GRID2IP: variants seen among roughly 807,000 people sequenced by gnomAD.
GRID2IP encodes delphilin.
GRID2IP carries 78 observed loss-of-function variants against 114.3 expected under a neutral mutation model. That is an observed-to-expected ratio of 0.68 (90% confidence interval 0.57 to 0.82). GRID2IP has a LOEUF of 0.82. GRID2IP is among the 40% of genes least tolerant of loss of function. The probability of loss-of-function intolerance (pLI) is 0.00; values close to 1 mark genes in which losing one functional copy is unlikely to be tolerated. For missense variants in GRID2IP, 1,727 were observed against 1,678.5 expected (o/e 1.03, Z -0.51); for synonymous variants, 809 against 724.0 (o/e 1.12, Z -1.89).
rs551603138 is a variant in GRID2IP at position 6,510,970 on chromosome 7, C to T, written c.1493G>A (p.Arg498Gln). 7.8e-5 allele frequency: 120 copies of T among 1,545,490 alleles called. No homozygotes were observed. In the East Asian group the frequency reaches 1.6e-3, roughly 20 times the overall value. The stretch of plus-strand genomic sequence containing the variant: ...GCTGCGGCGGCACATGGAGGAAGCC[C>T]GCAGGGAGCTCCGCGGCTGGGGCTC... ...TPEPQPRSSL[R>Q]ASSMCRRSLR... Residue 498 changes from arginine to glutamine, a missense_variant, in exon 9 of 22, where the codon CGG (arginine) becomes CAG (glutamine). Coordinates refer to ENST00000457091, the MANE Select transcript of GRID2IP (RefSeq NM_001145118.2).
Position 6,506,262 on chromosome 7 carries a change from T to C in GRID2IP, c.2545-355A>G, listed in dbSNP as rs1267780973. Among the ~76,000 whole-genome samples the C allele has an allele frequency of 2.6e-5, 4 of 152,148 alleles. No homozygotes were observed. The highest frequency in any genetic ancestry group is 5.9e-5 in the Non-Finnish European group (4 of 68,010). On this transcript the variant is annotated intron_variant, in intron 13 of 21. Coordinates refer to ENST00000457091, the MANE Select transcript of GRID2IP (RefSeq NM_001145118.2). This position sits in a 1 kb window ranked among gnomAD's most constrained non-coding sequence, Gnocchi z 5.2. ...GGTCTGGCTCTGTCATCAGGTCTCC[T>C]TGGAGAGCGGTGAGTTCACCAGGGC...
At chr7:6,502,461 T>A (rs1472151748) in intron 18 of GRID2IP, among the ~76,000 whole-genome samples, 2 of 152,060 alleles carry the variant, frequency 1.3e-5, no homozygotes, top group Non-Finnish European at 2.9e-5. Flanking sequence ...AGTGATCCTC[T>A]CACCTTGGCC....
At chr7:6,539,631 G>A in intron 2 of GRID2IP, 87 bp downstream of exon 2, 1 of 1,285,578 alleles carries the variant, frequency 7.8e-7, no homozygotes, top group Non-Finnish European at 1.0e-6. Context: ...ACCTGGGCTG[G>A]AAGGGGTGCC....
intron 1 of GRID2IP, among the ~76,000 whole-genome samples, chr7:6,543,878 C>T (rs1040282176): frequency 2.0e-5 from 3 of 152,122 alleles, no homozygotes; most frequent in African/African-American, 7.2e-5. Context: ...CTCACTGCAA[C>T]CTCCACCTCC....
rs928381649 is a variant in GRID2IP at position 6,521,749 on chromosome 7, A to T, written c.989+139T>A. 3 of 710,576 alleles carry T rather than the reference A, an allele frequency of 4.2e-6. No individual in the cohort carries two copies. Among genetic ancestry groups the T allele is most frequent in the Non-Finnish European group, 7.2e-6 (3 of 418,690 alleles). The allele number at this position is 710,576 out of a possible 1,614,324, so 44.0% of individuals were successfully genotyped here. ...AGGAGGGTTAGATTCAAGAGTTCCC[A>T]TTGGAAGAGGGACAGACCCTGGGGA... On this transcript the variant is annotated intron_variant, in intron 5 of 21. Coordinates refer to ENST00000457091, the MANE Select transcript of GRID2IP (RefSeq NM_001145118.2). The surrounding 1 kb of genome is among the most constrained non-coding windows in gnomAD (Gnocchi z 4.1).
Position 6,526,195 on chromosome 7 carries a change from A to T in GRID2IP, c.919+29T>A. On this transcript the variant is annotated intron_variant, in intron 4 of 21. Coordinates refer to ENST00000457091, the MANE Select transcript of GRID2IP (RefSeq NM_001145118.2). This position sits in a 1 kb window ranked among gnomAD's most constrained non-coding sequence, Gnocchi z 7.6. ...CTTCACCCCATCCTGGGCCTTAGGG[A>T]CTCTTAGGGCAACCGGCCCACCCCT... The T allele has an allele frequency of 6.5e-7, 1 of 1,533,860 alleles. No homozygotes were observed. Among genetic ancestry groups the T allele is most frequent in the Non-Finnish European group, 8.8e-7 (1 of 1,131,368 alleles).
In GRID2IP at chr7:6,526,567, C is replaced by A; in HGVS notation, c.787G>T (p.Ala263Ser). The change falls in exon 3 of 22, where the codon GCC (alanine) becomes TCC (serine). Residue 263 changes from alanine to serine, a missense_variant. Physicochemically the swap from Ala to Ser is moderately conservative, Grantham distance 99. Coordinates refer to ENST00000457091, the MANE Select transcript of GRID2IP (RefSeq NM_001145118.2). The surrounding 1 kb of genome is among the most constrained non-coding windows in gnomAD (Gnocchi z 7.6). ...GCGAGGCCGCCCACCAGCAAGGAGGCCCTGCGCGGGGGCGGCTCATCGGGG... is the reference window on the plus strand; with the variant it reads ...GCGAGGCCGCCCACCAGCAAGGAGGACCTGCGCGGGGGCGGCTCATCGGGG... ...RRPDEPPPRRASLLVGGLAGP... is the reference protein window; with the variant it reads ...RRPDEPPPRRSSLLVGGLAGP... The A allele has an allele frequency of 8.3e-6, 10 of 1,208,354 alleles. No homozygotes were observed. The highest frequency in any genetic ancestry group is 1.0e-5 in the Non-Finnish European group (10 of 973,662). The allele number at this position is 1,208,354 out of a possible 1,614,324, so 74.9% of individuals were successfully genotyped here. A position where few individuals can be genotyped will look rare whatever the true frequency, so the allele number is the denominator to read the frequency against.
chr7:6,533,543 G>A (rs1329072017), intron 2 of GRID2IP, among the ~76,000 whole-genome samples: 1 of 151,472 alleles, frequency 6.6e-6, no homozygotes, highest in African/African-American at 2.4e-5. Context: ...ATTTTTTTGT[G>A]TGTAAACATG....
Position 6,516,426 on chromosome 7 carries a change from G to A in GRID2IP, c.1269-1897C>T, listed in dbSNP as rs1169881066. Reference sequence around the variant, plus strand: ...CCTAGGAGAAACCAGGCCATACAGAGATAGGAGCTGAAGGGACACGGTGAG... The same window carrying A: ...CCTAGGAGAAACCAGGCCATACAGAAATAGGAGCTGAAGGGACACGGTGAG... On this transcript the variant is annotated intron_variant, in intron 7 of 21. Transcript: ENST00000457091. The surrounding 1 kb of genome is among the most constrained non-coding windows in gnomAD (Gnocchi z 4.3). 2.0e-5 allele frequency among the ~76,000 whole-genome samples: 3 copies of A among 152,172 alleles called. No individual in the cohort carries two copies. The highest frequency in any genetic ancestry group is 4.4e-5 in the Non-Finnish European group (3 of 68,028).
Position 6,534,014 on chromosome 7 carries a change from C to T in GRID2IP, c.584+5704G>A, listed in dbSNP as rs1432105709. Among the ~76,000 whole-genome samples the T allele has an allele frequency of 6.6e-6, 1 of 152,102 alleles. No individual in the cohort carries two copies. Among genetic ancestry groups the T allele is most frequent in the Non-Finnish European group, 1.5e-5 (1 of 68,024 alleles). On this transcript the variant is annotated intron_variant, in intron 2 of 21. Coordinates refer to ENST00000457091, the MANE Select transcript of GRID2IP (RefSeq NM_001145118.2). This position sits in a 1 kb window ranked among gnomAD's most constrained non-coding sequence, Gnocchi z 4.5. ...TGAAGCAGAAGAGGGTGACGGGGTG[C>T]AGATAGTCCCTCACAGGCCACCCTT...
Position 6,498,218 on chromosome 7 carries a change from T to A in GRID2IP, c.3410A>T (p.Glu1137Val). The change falls in exon 21 of 22, where the codon GAG (glutamate) becomes GTG (valine). Residue 1137 changes from glutamate (E) to valine (V), a missense_variant. By Grantham distance (121) the Glu-to-Val change is moderately radical (BLOSUM62 -2). Coordinates refer to ENST00000457091, the MANE Select transcript of GRID2IP (RefSeq NM_001145118.2). ...KFAMVMSSFLETAQPALRALD... is the reference protein window; with the variant it reads ...KFAMVMSSFLVTAQPALRALD... ...CGCCCGAAGTGCTGGCTGGGCCGTCTCCAGGAAGGACTGACAGGCCTCAGT... is the reference window on the plus strand; with the variant it reads ...CGCCCGAAGTGCTGGCTGGGCCGTCACCAGGAAGGACTGACAGGCCTCAGT... 6.5e-7 allele frequency: 1 copy of A among 1,543,922 alleles called. No homozygotes were observed. Among genetic ancestry groups the A allele is most frequent in the South Asian group, 1.2e-5 (1 of 83,130 alleles).
intron 1 of GRID2IP, among the ~76,000 whole-genome samples, chr7:6,548,208 C>A (rs1226043159): frequency 1.3e-5 from 2 of 151,904 alleles, no homozygotes; most frequent in African/African-American, 4.8e-5. Flanking sequence ...CAAAAATTAG[C>A]CAGGCATGGT....
intron 8 of GRID2IP, among the ~76,000 whole-genome samples, chr7:6,512,059 C>A (rs1779179526): frequency 1.3e-5 from 2 of 151,814 alleles, no homozygotes; most frequent in South Asian, 4.2e-4. Flanking sequence ...AGGCATGCAC[C>A]ACCATGCCTG....
At chr7:6,503,437 G>A (rs975414538) in intron 16 of GRID2IP, 54 bp downstream of exon 16, 1 of 1,433,698 alleles carries the variant, frequency 7.0e-7, no homozygotes, top group African/African-American at 1.5e-5. Context: ...TGGCCACAGC[G>A]ACAGCCCCTG....
rs1018655018 is a variant in GRID2IP at position 6,497,770 on chromosome 7, ACT to A, written c.*2_*3del. 10 of 1,547,962 alleles carry A rather than the reference ACT, an allele frequency of 6.5e-6. No individual in the cohort carries two copies. Among genetic ancestry groups the A allele is most frequent in the Non-Finnish European group, 7.9e-6 (9 of 1,145,202 alleles). Reference sequence around the variant, plus strand: ...AGGCCGCAGAGGACGCGGTGTGGCCACTGTCACCAGGCCAGGGGTGAAACCAT... The same window carrying A: ...AGGCCGCAGAGGACGCGGTGTGGCCAGTCACCAGGCCAGGGGTGAAACCAT... On this transcript the variant is annotated 3_prime_UTR_variant, in exon 22 of 22. Transcript: ENST00000457091.
Position 6,535,777 on chromosome 7 carries a change from C to G in GRID2IP, c.584+3941G>C, listed in dbSNP as rs898081499. Among the ~76,000 whole-genome samples the G allele has an allele frequency of 2.6e-5, 4 of 152,270 alleles. No individual in the cohort carries two copies. In the South Asian group the frequency reaches 8.3e-4, roughly 32 times the overall value. ...AAGTGGTGGCTCTCTGTGGTCCCCT[C>G]TACTCCCTGTTGGGTGGTTCACAGC... On this transcript the variant is annotated intron_variant, in intron 2 of 21. Coordinates refer to ENST00000457091, the MANE Select transcript of GRID2IP (RefSeq NM_001145118.2).
rs1786707430 is a variant in GRID2IP at position 6,509,719 on chromosome 7, G to A, written c.1772-406C>T. Among the ~76,000 whole-genome samples the A allele has an allele frequency of 6.6e-6, 1 of 152,212 alleles. No individual in the cohort carries two copies. The highest frequency in any genetic ancestry group is 1.5e-5 in the Non-Finnish European group (1 of 68,036). On this transcript the variant is annotated intron_variant, in intron 11 of 21. Transcript: ENST00000457091. The surrounding 1 kb of genome is among the most constrained non-coding windows in gnomAD (Gnocchi z 4.9). ...GGGCTCCTGCCTTCTGAGCTGCAGA[G>A]CAACTGTCTTCCCAGCTGTGCCAAC...
At chr7:6,503,243 G>C (rs529390220) in intron 16 of GRID2IP, 80 bp from the exon 17 acceptor site, 30 of 1,124,764 alleles carry the variant, frequency 2.7e-5, no homozygotes, top group Middle Eastern at 3.0e-4. Context: ...GGGTGGGAGG[G>C]GGGGATCTGC....
intron 15 of GRID2IP, 100 bp downstream of exon 15, chr7:6,504,693 C>G: frequency 1.1e-6 from 1 of 907,078 alleles, no homozygotes; most frequent in South Asian, 1.6e-5. Flanking sequence ...AGGCCGGGTC[C>G]CCACCGCCTA....
Sources: gnomAD v4.1 joint callset for allele counts (sites outside exome capture counted in the v4.1 genomes callset) on GRCh38, gnomAD v4.1.1 for gene constraint, Gnocchi (gnomAD v3.1) non-coding constraint, MANE v1.5 for transcripts, NCBI Gene and HGNC (gene_info 2026-07-23, HGNC 2026-07-21) for gene names.